Variants in SEMA3A observed in about 807,000 individuals in gnomAD.
SEMA3A encodes the protein semaphorin 3A, also known as semaphorin-3A.
A neutral mutation model predicts 97.9 loss-of-function variants in SEMA3A; 29 were observed. The ratio of observed to expected loss-of-function variants is 0.30; its 90% CI spans 0.22 to 0.40. The LOEUF is 0.40. Among genes scored for constraint, SEMA3A ranks in the 10% least tolerant of loss-of-function variants. The pLI, the probability that SEMA3A is intolerant of heterozygous loss-of-function variation, is 1.00. For synonymous variants in SEMA3A, 321 were observed against 323.7 expected (o/e 0.99, Z 0.09); for missense variants, 763 against 951.3 (o/e 0.80, Z 2.60).
At chr7:84,206,506 T>C (rs1798497819) in intron 3 of SEMA3A, among the ~76,000 whole-genome samples, 1 of 152,000 alleles carries the variant, frequency 6.6e-6, no homozygotes, top group Non-Finnish European at 1.5e-5. Flanking sequence ...TATTTTTTAG[T>C]AGAGACAGGG....
chr7:84,406,318 T>G (rs1331129201), intron 1 of SEMA3A, among the ~76,000 whole-genome samples: 1 of 151,988 alleles, frequency 6.6e-6, no homozygotes, highest in Non-Finnish European at 1.5e-5. Flanking sequence ...ATAAATTCCT[T>G]GACACATACA....
intron 3 of SEMA3A, among the ~76,000 whole-genome samples, chr7:84,200,824 C>G (rs1258547354): frequency 6.9e-6 from 1 of 145,604 alleles, no homozygotes; most frequent in Non-Finnish European, 1.5e-5. Context: ...AAGTGAGAGT[C>G]TCCACCTCAA....
At chr7:84,162,583 ATTTTT>A (rs67315788) in intron 1 of SEMA3A, among the ~76,000 whole-genome samples, 1,891 of 151,390 alleles carry the variant, frequency 0.012, 22 homozygotes, top group Middle Eastern at 0.017. Context: ...CATATCCTCA[ATTTTT>A]TTTTAAAAAA....
At chr7:84,215,205 C>T (rs1197453979) in intron 3 of SEMA3A, among the ~76,000 whole-genome samples, 4 of 150,406 alleles carry the variant, frequency 2.7e-5, no homozygotes, top group African/African-American at 9.8e-5. Flanking sequence ...ATTTTTTGGA[C>T]GTGGAGTTTT....
chr7:84,352,041 GAA>G (rs35118818), intron 2 of SEMA3A, among the ~76,000 whole-genome samples: 2 of 134,902 alleles, frequency 1.5e-5, no homozygotes, highest in African/African-American at 2.6e-5. Flanking sequence ...GCAGCCATAA[GAA>G]AAAAAAAAAA....
At chr7:84,245,893 TCTG>T (rs1799465518) in intron 3 of SEMA3A, among the ~76,000 whole-genome samples, 1 of 152,172 alleles carries the variant, frequency 6.6e-6, no homozygotes, top group African/African-American at 2.4e-5. Flanking sequence ...TGCTGGGAGA[TCTG>T]CTGCTTTCTT....
intron 1 of SEMA3A, among the ~76,000 whole-genome samples, chr7:84,174,271 A>G (rs1273527691): frequency 6.6e-6 from 1 of 152,174 alleles, no homozygotes; most frequent in Non-Finnish European, 1.5e-5. Flanking sequence ...CTGGTGCCAA[A>G]AAGGTTGGGG....
At chr7:84,077,478 G>C (rs1465767664) in intron 4 of SEMA3A, among the ~76,000 whole-genome samples, 1 of 151,870 alleles carries the variant, frequency 6.6e-6, no homozygotes, top group Non-Finnish European at 1.5e-5. Flanking sequence ...AAAAAGAATT[G>C]GAATCTAGTC....
rs187928903 is a variant in SEMA3A at position 84,262,225 on chromosome 7, T to C, written c.-83+44982A>G. Among the ~76,000 whole-genome samples, 843 of 152,288 alleles carry C rather than the reference T, an allele frequency of 5.5e-3. 4 individuals are homozygous for C. Among genetic ancestry groups the C allele is most frequent in the Non-Finnish European group, 9.1e-3 (619 of 68,014 alleles). Reference sequence around the variant, plus strand: ...TCAAGGTTTTTTGTTTTTTGTTTTTTGTTTTTGAGACAGAGTTTTGCTCTT... The same window carrying C: ...TCAAGGTTTTTTGTTTTTTGTTTTTCGTTTTTGAGACAGAGTTTTGCTCTT... On this transcript the variant is annotated intron_variant, in intron 3 of 3. Transcript: ENST00000424555.
intron 1 of SEMA3A, among the ~76,000 whole-genome samples, chr7:84,425,569 T>C (rs1451405000): frequency 1.4e-5 from 2 of 145,788 alleles, no homozygotes; most frequent in Admixed American, 7.0e-5. Flanking sequence ...TATATGAGTA[T>C]AAACATATAT....
At chr7:84,415,476 A>T (rs1218784263) in intron 1 of SEMA3A, among the ~76,000 whole-genome samples, 1 of 152,120 alleles carries the variant, frequency 6.6e-6, no homozygotes, top group African/African-American at 2.4e-5. Flanking sequence ...TTTAAAAATT[A>T]CATGCAGAAA....
At chr7:83,986,573 A>C (rs1391671182) in intron 12 of SEMA3A, among the ~76,000 whole-genome samples, 2 of 152,148 alleles carry the variant, frequency 1.3e-5, no homozygotes, top group Non-Finnish European at 2.9e-5. Context: ...GACAAACATT[A>C]TGTGTCTTTC....
At chr7:84,358,792 T>A (rs1035595965) in intron 2 of SEMA3A, among the ~76,000 whole-genome samples, 3 of 152,208 alleles carry the variant, frequency 2.0e-5, no homozygotes, top group African/African-American at 7.2e-5. Context: ...TTCCATTTGT[T>A]TGTATCCTCT....
At chr7:84,171,101 C>T (rs1200710368) in intron 1 of SEMA3A, among the ~76,000 whole-genome samples, 2 of 152,060 alleles carry the variant, frequency 1.3e-5, no homozygotes, top group South Asian at 2.1e-4. Context: ...AATACACTAT[C>T]ACACTGAATT....
intron 3 of SEMA3A, among the ~76,000 whole-genome samples, chr7:84,238,840 G>A (rs1027460742): frequency 6.6e-6 from 1 of 151,478 alleles, no homozygotes; most frequent in African/African-American, 2.4e-5. Context: ...TCAGCCTCCC[G>A]AGTAGCTGGG....
chr7:84,174,665 A>G (rs1350116860), intron 1 of SEMA3A, among the ~76,000 whole-genome samples: 1 of 152,226 alleles, frequency 6.6e-6, no homozygotes, highest in Non-Finnish European at 1.5e-5. Flanking sequence ...ATTATCATTC[A>G]CCTCAAAAAC....
intron 1 of SEMA3A, among the ~76,000 whole-genome samples, chr7:84,135,809 G>C (rs1001000590): frequency 1.3e-5 from 2 of 152,068 alleles, no homozygotes; most frequent in Non-Finnish European, 2.9e-5. Flanking sequence ...GATATATAGA[G>C]AGAAACTGAG....
chr7:84,067,289 T>C (rs1259130346), intron 4 of SEMA3A, among the ~76,000 whole-genome samples: 1 of 152,120 alleles, frequency 6.6e-6, no homozygotes, highest in Non-Finnish European at 1.5e-5. Flanking sequence ...GATTAAAGAC[T>C]TAAACGTTTG....
At chr7:83,992,267 C>T (rs1218083484) in intron 12 of SEMA3A, among the ~76,000 whole-genome samples, 1 of 149,562 alleles carries the variant, frequency 6.7e-6, no homozygotes, top group Non-Finnish European at 1.5e-5. Context: ...TTCAAAAAAC[C>T]AGCTCCTGGA....
Sources: allele counts gnomAD v4.1 joint callset (sites outside exome capture counted in the v4.1 genomes callset), GRCh38; gene constraint gnomAD v4.1.1; transcripts MANE v1.5; gene names NCBI Gene and HGNC (gene_info 2026-07-23, HGNC 2026-07-21).